CASK: variants seen among roughly 807,000 people sequenced by gnomAD.
CASK encodes the protein calcium/calmodulin dependent serine protein kinase.
A neutral mutation model predicts 82.9 loss-of-function variants in CASK; 4 were observed. The ratio of observed to expected loss-of-function variants is 0.05; its 90% CI spans 0.02 to 0.11. The LOEUF is 0.11. Among genes scored for constraint, CASK ranks in the 10% least tolerant of loss-of-function variants. CASK has a pLI of 1.00. For missense variants in CASK, 358 were observed against 720.9 expected (o/e 0.50, Z 5.76); for synonymous variants, 259 against 253.5 (o/e 1.02, Z -0.20).
At chrX:41,596,238 G>A (rs2065820435) in intron 12 of CASK, among the ~76,000 whole-genome samples, 1 of 109,917 alleles carries the variant, frequency 9.1e-6, no homozygotes, top group African/African-American at 3.3e-5. Flanking sequence ...ATCCTATCCT[G>A]GCAAGATAGG....
intron 2 of CASK, among the ~76,000 whole-genome samples, chrX:41,848,237 G>C (rs1329470867): frequency 8.9e-6 from 1 of 111,753 alleles, no homozygotes; most frequent in African/African-American, 3.3e-5. Context: ...GGTATTGCAA[G>C]AGGGGTTGCT....
chrX:41,553,955 T>C, intron 20 of CASK, 40 bp from the exon 21 acceptor site: 1 of 986,140 alleles, frequency 1.0e-6, no homozygotes, highest in Non-Finnish European at 1.4e-6. Flanking sequence ...GCCATAGTGA[T>C]GTGAAAGAGA....
rs909992347 is a variant in CASK at position 41,834,639 on chromosome X, A to T, written c.172+18476T>A. The stretch of plus-strand genomic sequence containing the variant: ...TTTGCCTAACCCTTGAGATACTCAT[A>T]GATCTTATGGTGAGAGTGTTCTATT... On this transcript the variant is annotated intron_variant, in intron 2 of 26. Coordinates refer to ENST00000378163, the MANE Select transcript of CASK (RefSeq NM_001367721.1). Among the ~76,000 whole-genome samples the T allele has an allele frequency of 3.6e-5, 4 of 111,471 alleles. No homozygotes were observed. In the Admixed American group the frequency reaches 3.8e-4, roughly 11 times the overall value.
chrX:41,772,463 A>G (rs1285649823), intron 3 of CASK, among the ~76,000 whole-genome samples: 1 of 110,546 alleles, frequency 9.0e-6, no homozygotes, highest in East Asian at 2.8e-4. Flanking sequence ...GGCACAAATT[A>G]CCAGTATCAA....
chrX:41,674,276 G>A (rs775481227), intron 5 of CASK, among the ~76,000 whole-genome samples: 2 of 111,095 alleles, frequency 1.8e-5, no homozygotes, highest in East Asian at 2.8e-4. Flanking sequence ...AGGTCATGCG[G>A]CCTTTTTCCA....
Position 41,639,682 on chromosome X carries a change from C to T in CASK, c.832-3021G>A, listed in dbSNP as rs193057747. ...TATATTTACAACCATAAAACCATTACCATGATCAAGATAATGAACACATCC... is the reference window on the plus strand; with the variant it reads ...TATATTTACAACCATAAAACCATTATCATGATCAAGATAATGAACACATCC... On this transcript the variant is annotated intron_variant, in intron 8 of 26. Transcript: ENST00000378163. Among the ~76,000 whole-genome samples the T allele has an allele frequency of 5.4e-3, 599 of 111,484 alleles. 2 individuals are homozygous for T. Among genetic ancestry groups the T allele is most frequent in the Middle Eastern group, 9.3e-3 (2 of 216 alleles).
chrX:41,879,025 G>A (rs1268508917), intron 1 of CASK, among the ~76,000 whole-genome samples: 1 of 111,341 alleles, frequency 9.0e-6, no homozygotes, highest in Non-Finnish European at 1.9e-5. Flanking sequence ...AAAAGTCTTA[G>A]TTCACTGTAT....
chrX:41,828,430 C>T (rs907807859), intron 2 of CASK, among the ~76,000 whole-genome samples: 3 of 111,145 alleles, frequency 2.7e-5, no homozygotes, highest in Non-Finnish European at 5.7e-5. Flanking sequence ...AAGTGGGGAT[C>T]CAGGAGAAAC....
At position 41,525,902 on chromosome X, in the gene CASK, A is replaced by G. The variant is rs779222814; in HGVS notation, c.2521-1868T>C. 2.7e-5 allele frequency among the ~76,000 whole-genome samples: 3 copies of G among 111,759 alleles called. No individual in the cohort carries two copies. In the South Asian group the frequency reaches 1.1e-3, roughly 42 times the overall value. On this transcript the variant is annotated intron_variant, in intron 25 of 26. Coordinates refer to ENST00000378163, the MANE Select transcript of CASK (RefSeq NM_001367721.1). ...AGCATCTTCTTGTGGGTTGAGGGAGACTGGTACATTGTATTTATCCATCAA... is the reference window on the plus strand; with the variant it reads ...AGCATCTTCTTGTGGGTTGAGGGAGGCTGGTACATTGTATTTATCCATCAA...
Position 41,545,318 on chromosome X carries a change from C to T in CASK, c.2040-2512G>A, listed in dbSNP as rs139458937. Among the ~76,000 whole-genome samples the T allele has an allele frequency of 5.0e-4, 56 of 112,321 alleles. 4 individuals are homozygous for T. On this transcript the variant is annotated intron_variant, in intron 21 of 26. Coordinates refer to ENST00000378163, the MANE Select transcript of CASK (RefSeq NM_001367721.1). The stretch of plus-strand genomic sequence containing the variant: ...CTGGGATTACAGGCGTGAGCCACTG[C>T]GCCCGGCCTAGAACTGATTTTTGCT...
chrX:41,915,294 G>A (rs1318242601), intron 1 of CASK, among the ~76,000 whole-genome samples: 1 of 112,030 alleles, frequency 8.9e-6, no homozygotes, highest in Non-Finnish European at 1.9e-5. Flanking sequence ...TCAATCCAAA[G>A]CCAAAGTAAC....
intron 25 of CASK, among the ~76,000 whole-genome samples, chrX:41,528,704 G>A: frequency 2.7e-5 from 3 of 112,130 alleles, no homozygotes; most frequent in Non-Finnish European, 5.6e-5. Context: ...CAGTAGAGGG[G>A]TCATCTAAGA....
At chrX:41,731,497 C>T (rs1234936630) in intron 5 of CASK, among the ~76,000 whole-genome samples, 1 of 112,121 alleles carries the variant, frequency 8.9e-6, no homozygotes, top group Non-Finnish European at 1.9e-5. Context: ...ACAGCTCTAC[C>T]ACTACTTTAA....
chrX:41,621,071 C>T (rs1347658243), intron 11 of CASK, among the ~76,000 whole-genome samples: 1 of 109,854 alleles, frequency 9.1e-6, no homozygotes, highest in Non-Finnish European at 1.9e-5. Flanking sequence ...AAAATCACTA[C>T]TGATACATCC....
chrX:41,634,981 C>T (rs769733563), intron 9 of CASK, among the ~76,000 whole-genome samples: 1 of 111,509 alleles, frequency 9.0e-6, no homozygotes, highest in Non-Finnish European at 1.9e-5. Flanking sequence ...AGAAGAAAGG[C>T]TAAAATGGGA....
chrX:41,792,288 GA>G (rs1300437702), intron 2 of CASK, among the ~76,000 whole-genome samples: 10 of 102,037 alleles, frequency 9.8e-5, no homozygotes, highest in African/African-American at 3.1e-4. Flanking sequence ...ATTCAATAAG[GA>G]TTTTTTTTTT....
chrX:41,814,259 T>C (rs1017264115), intron 2 of CASK, among the ~76,000 whole-genome samples: 2 of 111,746 alleles, frequency 1.8e-5, no homozygotes, highest in African/African-American at 6.5e-5. Context: ...ACCTAAAGGA[T>C]TAAACATCAT....
chrX:41,909,039 T>C (rs1158696771), intron 1 of CASK, among the ~76,000 whole-genome samples: 2 of 111,775 alleles, frequency 1.8e-5, no homozygotes, highest in African/African-American at 6.5e-5. Flanking sequence ...TGATCTAGAG[T>C]TCCAAGACAG....
chrX:41,781,139 C>T (rs2069466800), intron 3 of CASK, among the ~76,000 whole-genome samples: 1 of 111,288 alleles, frequency 9.0e-6, no homozygotes, highest in South Asian at 3.8e-4. Flanking sequence ...GATGAGGTCT[C>T]ACTCTATTGC....
Sources: gnomAD v4.1 joint callset for allele counts (sites outside exome capture counted in the v4.1 genomes callset) on GRCh38, gnomAD v4.1.1 for gene constraint, MANE v1.5 for transcripts, NCBI Gene and HGNC (gene_info 2026-07-23, HGNC 2026-07-21) for gene names.